Variants in OCA2 observed in about 807,000 individuals in gnomAD.
The protein encoded by OCA2 is OCA2 melanosomal transmembrane protein.
A neutral mutation model predicts 100.2 loss-of-function variants in OCA2; 77 were observed. The observed-to-expected ratio is 0.77, with a 90% CI of 0.64 to 0.93. OCA2 has a LOEUF of 0.93. Among genes scored for constraint, OCA2 ranks in the 40% least tolerant of loss-of-function variants. The probability of loss-of-function intolerance (pLI) is 0.00; values close to 1 mark genes in which losing one functional copy is unlikely to be tolerated. For missense variants in OCA2, 1,062 were observed against 1,089.1 expected (o/e 0.98, Z 0.35); for synonymous variants, 432 against 439.2 (o/e 0.98, Z 0.21).
chr15:27,906,471 G>C (rs1224957637), intron 19 of OCA2, among the ~76,000 whole-genome samples: 1 of 152,072 alleles, frequency 6.6e-6, no homozygotes, highest in African/African-American at 2.4e-5. Flanking sequence ...AATTAAAAGG[G>C]CAGAGATAGT....
intron 19 of OCA2, among the ~76,000 whole-genome samples, chr15:27,907,914 G>A (rs2038237669): frequency 6.6e-6 from 1 of 152,058 alleles, no homozygotes; most frequent in East Asian, 1.9e-4. Flanking sequence ...GTCTCACAGG[G>A]GAATTGTATC....
chr15:27,980,797 C>G (rs925738057), intron 14 of OCA2, among the ~76,000 whole-genome samples: 5 of 152,144 alleles, frequency 3.3e-5, no homozygotes, highest in Non-Finnish European at 5.9e-5. Context: ...TCTTTGGAAA[C>G]TAAGATTTTC....
At chr15:27,875,703 C>T (rs1306492460) in intron 19 of OCA2, among the ~76,000 whole-genome samples, 1 of 151,702 alleles carries the variant, frequency 6.6e-6, no homozygotes, top group East Asian at 1.9e-4. Context: ...CAAAATATCT[C>T]GGTAATTTTT....
At chr15:27,834,065 A>G (rs967039977) in intron 23 of OCA2, among the ~76,000 whole-genome samples, 1 of 152,236 alleles carries the variant, frequency 6.6e-6, no homozygotes, top group Non-Finnish European at 1.5e-5. Context: ...TGGGGGCCCT[A>G]GATGGCTTCA....
At chr15:27,930,114 T>G (rs1370413202) in intron 18 of OCA2, among the ~76,000 whole-genome samples, 2 of 152,170 alleles carry the variant, frequency 1.3e-5, no homozygotes, top group Admixed American at 6.5e-5. Context: ...CCTACCAATA[T>G]GAACCCACCA....
chr15:27,938,116 T>C (rs2039521647), intron 18 of OCA2, among the ~76,000 whole-genome samples: 1 of 152,190 alleles, frequency 6.6e-6, no homozygotes, highest in African/African-American at 2.4e-5. Context: ...TTGAGTCACA[T>C]GGAGATGTTT....
intron 11 of OCA2, among the ~76,000 whole-genome samples, chr15:27,987,537 G>A (rs898761932): frequency 8.7e-5 from 13 of 148,980 alleles, no homozygotes; most frequent in Non-Finnish European, 1.9e-4. Context: ...GGCTAACATG[G>A]TGAAACCCCA....
chr15:27,840,733 C>G (rs964983243), intron 23 of OCA2, among the ~76,000 whole-genome samples: 10 of 152,174 alleles, frequency 6.6e-5, no homozygotes, highest in Admixed American at 3.3e-4. Context: ...AAAATAAAAC[C>G]TTGATCTAAA....
chr15:27,926,282 T>C lies in OCA2; in HGVS notation c.1952-28A>G, dbSNP rs764486445. 1.4e-5 allele frequency: 22 copies of C among 1,613,136 alleles called. 1 individual carries two copies. The highest frequency in any genetic ancestry group is 2.7e-5 in the African/African-American group (2 of 74,896). On this transcript the variant is annotated intron_variant, in intron 18 of 23. Coordinates refer to ENST00000354638, the MANE Select transcript of OCA2 (RefSeq NM_000275.3). Reference sequence around the variant, plus strand: ...GAAAATAAGTAAATAGACATAGAGATATAGTTCCACTGTTAACACACCGAT... The same window carrying C: ...GAAAATAAGTAAATAGACATAGAGACATAGTTCCACTGTTAACACACCGAT...
chr15:27,925,141 G>A (rs2038998752), intron 19 of OCA2, among the ~76,000 whole-genome samples: 1 of 152,142 alleles, frequency 6.6e-6, no homozygotes, highest in South Asian at 2.1e-4. Flanking sequence ...CAAAATAGTT[G>A]AAGACTGCAA....
At chr15:27,927,472 C>T (rs748803292) in intron 18 of OCA2, among the ~76,000 whole-genome samples, 1 of 152,090 alleles carries the variant, frequency 6.6e-6, no homozygotes, top group Non-Finnish European at 1.5e-5. Context: ...CATTCATATA[C>T]AAGTTTTTGT....
intron 18 of OCA2, among the ~76,000 whole-genome samples, chr15:27,939,157 A>G (rs932917149): frequency 2.0e-5 from 3 of 152,260 alleles, no homozygotes; most frequent in African/African-American, 7.2e-5. Flanking sequence ...GAACTAGAAC[A>G]TCTATGACAA....
chr15:27,989,894 G>GC (rs2041492681), intron 10 of OCA2, among the ~76,000 whole-genome samples: 1 of 152,096 alleles, frequency 6.6e-6, no homozygotes, highest in South Asian at 2.1e-4. Flanking sequence ...GTTTTTTCTA[G>GC]CCCCTGCCTC....
In OCA2 at chr15:27,967,125, G is replaced by A. The variant is rs528913154; in HGVS notation, c.1504-303C>T. 3.3e-5 allele frequency among the ~76,000 whole-genome samples: 5 copies of A among 151,964 alleles called. No homozygotes were observed. The South Asian group carries it at 6.2e-4, about 19-fold the overall frequency. ...AGCCTGGGCGACAGAGCGAGACTCC[G>A]TCTCAAAACAAACAAACAAAAAGAA... On this transcript the variant is annotated intron_variant, in intron 14 of 23. Coordinates refer to ENST00000354638, the MANE Select transcript of OCA2 (RefSeq NM_000275.3).
At chr15:28,085,659 G>A (rs866095867) in intron 1 of OCA2, among the ~76,000 whole-genome samples, 6 of 70,538 alleles carry the variant, frequency 8.5e-5, no homozygotes, top group Non-Finnish European at 1.1e-4. Context: ...TCCCACCCCC[G>A]CCCAGACTGC....
Position 28,003,232 on chromosome 15 carries a change from C to T in OCA2, c.1044+11544G>A, listed in dbSNP as rs192792611. ...CTCAGAAGCTATAGAAGCTTAGCTC[C>T]GCAATAAAATAGCCTGTGAGCTGCC... is the stretch of plus-strand genomic sequence containing the variant. On this transcript the variant is annotated intron_variant, in intron 9 of 23. Coordinates refer to ENST00000354638, the MANE Select transcript of OCA2 (RefSeq NM_000275.3). 1.9e-3 allele frequency among the ~76,000 whole-genome samples: 294 copies of T among 152,362 alleles called. 3 individuals carry two copies. Among genetic ancestry groups the T allele is most frequent in the African/African-American group, 6.7e-3 (280 of 41,590 alleles).
intron 19 of OCA2, among the ~76,000 whole-genome samples, chr15:27,884,576 C>T (rs1207234786): frequency 1.3e-5 from 2 of 152,064 alleles, no homozygotes; most frequent in Admixed American, 6.6e-5. Context: ...TGACCACTCT[C>T]GTTCTAAAAA....
At chr15:27,725,988 A>G in the OCA2 span, among the ~76,000 whole-genome samples, 1 of 151,820 alleles carries the variant, frequency 6.6e-6, no homozygotes. Context: ...AAGATACTAG[A>G]TCATAACTAC....
At chr15:27,916,443 C>T (rs1040929679) in intron 19 of OCA2, among the ~76,000 whole-genome samples, 1 of 152,140 alleles carries the variant, frequency 6.6e-6, no homozygotes, top group Non-Finnish European at 1.5e-5. Flanking sequence ...ATGTTATGTA[C>T]TCCCTATATC....
Sources: gnomAD v4.1 joint callset for allele counts (sites outside exome capture counted in the v4.1 genomes callset) on GRCh38, gnomAD v4.1.1 for gene constraint, MANE v1.5 for transcripts, NCBI Gene and HGNC (gene_info 2026-07-23, HGNC 2026-07-21) for gene names.